Variants in TACR3 observed in about 807,000 individuals in gnomAD.
TACR3 encodes the protein tachykinin receptor 3.
Under a neutral mutation model 35.0 loss-of-function variants are expected in TACR3, and 34 were observed. The observed-to-expected ratio is 0.97, with a 90% CI of 0.74 to 1.30. TACR3 has a LOEUF of 1.30. TACR3 is among the 50% of genes most tolerant of loss of function. TACR3 has a pLI of 0.00. For synonymous variants in TACR3, 233 were observed against 221.1 expected, an observed-to-expected ratio of 1.05 and a Z score of -0.48; for missense variants, 558 against 591.7, an observed-to-expected ratio of 0.94 and a Z score of 0.59.
chr4:103,680,661 A>T (rs1243900439), intron 1 of TACR3, among the ~76,000 whole-genome samples: 1 of 151,626 alleles, frequency 6.6e-6, no homozygotes, highest in Non-Finnish European at 1.5e-5. Flanking sequence ...TAAGAATAGA[A>T]ATCTGTACAG....
rs897050846 is a variant in TACR3 at position 103,686,635 on chromosome 4, G to A, written c.549-28232C>T. On this transcript the variant is annotated intron_variant, in intron 1 of 4. Transcript: ENST00000304883. ...TTTTTGATAGAAAATTATAACACAT[G>A]AAAGAGGAAAACATAACCCATATGC... Among the ~76,000 whole-genome samples the A allele has an allele frequency of 4.6e-5, 7 of 152,278 alleles. No individual in the cohort carries two copies. The South Asian group carries it at 1.4e-3, about 32-fold the overall frequency.
intron 3 of TACR3, among the ~76,000 whole-genome samples, chr4:103,609,812 G>C (rs951760831): frequency 2.0e-5 from 3 of 152,004 alleles, no homozygotes; most frequent in Non-Finnish European, 4.4e-5. Flanking sequence ...TGATTAGTGA[G>C]AAGTAACCAC....
chr4:103,707,480 A>C (rs1425429921), intron 1 of TACR3, among the ~76,000 whole-genome samples: 1 of 151,990 alleles, frequency 6.6e-6, no homozygotes, highest in Non-Finnish European at 1.5e-5. Flanking sequence ...CATTGTATAG[A>C]TTCTTATGTG....
chr4:103,691,224 A>G (rs983298628), intron 1 of TACR3, among the ~76,000 whole-genome samples: 2 of 152,186 alleles, frequency 1.3e-5, no homozygotes, highest in Non-Finnish European at 2.9e-5. Context: ...TCCTTTGTAA[A>G]CAAACTGTGG....
At chr4:103,712,826 A>G (rs949143136) in intron 1 of TACR3, among the ~76,000 whole-genome samples, 1 of 152,238 alleles carries the variant, frequency 6.6e-6, no homozygotes, top group Non-Finnish European at 1.5e-5. Flanking sequence ...ATATGAACAG[A>G]CACTTCTCAA....
chr4:103,632,163 C>T (rs1038666757), intron 3 of TACR3, among the ~76,000 whole-genome samples: 7 of 152,014 alleles, frequency 4.6e-5, no homozygotes, highest in Admixed American at 1.3e-4. Flanking sequence ...TTTAGAAATG[C>T]GCATTCGTCT....
intron 1 of TACR3, among the ~76,000 whole-genome samples, chr4:103,695,363 CCT>C (rs1385576759): frequency 6.6e-6 from 1 of 152,074 alleles, no homozygotes; most frequent in Non-Finnish European, 1.5e-5. Flanking sequence ...AAGATCAACC[CCT>C]CTTTCTTCCT....
intron 2 of TACR3, 92 bp downstream of exon 2, chr4:103,658,123 A>T (rs1482521160): frequency 8.1e-7 from 1 of 1,239,810 alleles, no homozygotes; most frequent in East Asian, 2.4e-5. Context: ...CCCTGGGGGA[A>T]ATGTCAGTCT....
intron 3 of TACR3, among the ~76,000 whole-genome samples, chr4:103,608,103 G>A (rs542214381): frequency 3.3e-5 from 5 of 152,124 alleles, no homozygotes; most frequent in South Asian, 2.1e-4. Context: ...AATGACACAC[G>A]CACTCATATG....
At chr4:103,674,224 A>T (rs183246765) in intron 1 of TACR3, among the ~76,000 whole-genome samples, 183 of 152,254 alleles carry the variant, frequency 1.2e-3, no homozygotes, top group Admixed American at 2.2e-3. Flanking sequence ...TATGAGTAAA[A>T]ACTCAGATTA....
intron 3 of TACR3, among the ~76,000 whole-genome samples, chr4:103,640,566 T>C (rs1404649498): frequency 6.6e-6 from 1 of 152,004 alleles, no homozygotes; most frequent in African/African-American, 2.4e-5. Context: ...TTTTGGATAC[T>C]AACCTCTTAT....
chr4:103,689,235 C>T (rs925421860), intron 1 of TACR3, among the ~76,000 whole-genome samples: 9 of 124,600 alleles, frequency 7.2e-5, no homozygotes, highest in African/African-American at 3.0e-4. Context: ...GAACATCACA[C>T]TCTGGGGACT....
At chr4:103,698,063 A>G (rs558442771) in intron 1 of TACR3, among the ~76,000 whole-genome samples, 9 of 152,212 alleles carry the variant, frequency 5.9e-5, no homozygotes, top group African/African-American at 1.4e-4. Context: ...ACTGTCTTCA[A>G]TATGAAACTA....
At chr4:103,636,812 G>A (rs554633862) in intron 3 of TACR3, among the ~76,000 whole-genome samples, 129 of 152,028 alleles carry the variant, frequency 8.5e-4, no homozygotes, top group Non-Finnish European at 1.3e-3. Flanking sequence ...ATAAACACCT[G>A]TATGCAAATA....
chr4:103,701,832 A>C (rs2110224056), intron 1 of TACR3, among the ~76,000 whole-genome samples: 1 of 152,318 alleles, frequency 6.6e-6, no homozygotes, highest in East Asian at 1.9e-4. Flanking sequence ...GGTGCTGGGA[A>C]AACTGGCTAG....
rs112706470 is a variant in TACR3 at position 103,618,947 on chromosome 4, C to G, written c.889-27264G>C. Among the ~76,000 whole-genome samples, 1,053 of 152,108 alleles carry G rather than the reference C, an allele frequency of 6.9e-3. 17 individuals are homozygous for G. The highest frequency in any genetic ancestry group is 0.024 in the African/African-American group (1,000 of 41,502). ...TGATTTTTGTACGTTGATTTTGTAT[C>G]CTGAAATTTTACTAAAGTTGTTTAT... is the stretch of plus-strand genomic sequence containing the variant. On this transcript the variant is annotated intron_variant, in intron 3 of 4. Coordinates refer to ENST00000304883, the MANE Select transcript of TACR3 (RefSeq NM_001059.3).
rs769653808 is a variant in TACR3 at position 103,719,578 on chromosome 4, G to A, written c.98C>T (p.Ala33Val). Residue 33 changes from alanine (A) to valine (V), a missense_variant, in exon 1 of 5, where the codon GCC becomes GTC. Ala to Val is a moderately conservative substitution (Grantham distance 64). Transcript: ENST00000304883. ...CCACCCAGTCTCAACTGCCCCCGTG[G>A]CCGCCCCGGCAGCTAGCGAGGCGGT... ...NLTASLAAGA[A>V]TGAVETGWLQ... is the part of the protein sequence containing the mutation. 1.9e-6 allele frequency: 3 copies of A among 1,610,258 alleles called. No individual in the cohort carries two copies. The highest frequency in any genetic ancestry group is 2.5e-6 in the Non-Finnish European group (3 of 1,177,312).
At chr4:103,608,727 G>C (rs1028882668) in intron 3 of TACR3, among the ~76,000 whole-genome samples, 4 of 152,076 alleles carry the variant, frequency 2.6e-5, no homozygotes, top group East Asian at 1.9e-4. Context: ...CTTTCTAACA[G>C]AGTATGAGCA....
At chr4:103,648,403 T>C (rs946822061) in intron 3 of TACR3, among the ~76,000 whole-genome samples, 4 of 151,718 alleles carry the variant, frequency 2.6e-5, no homozygotes, top group Admixed American at 2.6e-4. Context: ...TATATTTTTG[T>C]ACCCAATAAC....
Sources: gnomAD v4.1 joint callset for allele counts (sites outside exome capture counted in the v4.1 genomes callset) on GRCh38, gnomAD v4.1.1 for gene constraint, MANE v1.5 for transcripts, NCBI Gene and HGNC (gene_info 2026-07-23, HGNC 2026-07-21) for gene names.